HTR3D: variants seen among roughly 807,000 people sequenced by gnomAD.
HTR3D encodes 5-hydroxytryptamine (serotonin) receptor 3 family member D.
A neutral mutation model predicts 45.8 loss-of-function variants in HTR3D; 47 were observed. That is an observed-to-expected ratio of 1.03 (90% CI 0.81 to 1.31). The LOEUF (loss-of-function observed/expected upper bound fraction) is 1.31. HTR3D is among the 50% of genes most tolerant of loss of function. The probability of loss-of-function intolerance (pLI) is 0.00; values close to 1 mark genes in which losing one functional copy is unlikely to be tolerated. For missense variants in HTR3D, 448 were observed against 506.9 expected, an observed-to-expected ratio of 0.88 and a Z score of 1.12; for synonymous variants, 203 against 199.8, an observed-to-expected ratio of 1.02 and a Z score of -0.13.
Position 184,036,053 on chromosome 3 carries a change from C to G in HTR3D, c.150C>G (p.Gly50=). The change falls in exon 3 of 8, where the codon GGC becomes GGG. Residue 50 remains glycine, a synonymous_variant. Coordinates refer to ENST00000428798, the MANE Select transcript of HTR3D (RefSeq NM_001145143.1). ...AATGCGGAGGCATCAAGAAGTCCGG[C>G]ATGGCAACTGAGAACCTATGGCTTT... The part of the protein sequence containing the change: ...PDECGGIKKS[G]MATENLWLSD... The G allele has an allele frequency of 2.6e-6, 4 of 1,551,636 alleles. No individual in the cohort carries two copies. The highest frequency in any genetic ancestry group is 3.5e-6 in the Non-Finnish European group (4 of 1,146,980).
rs1425601072 is a variant in HTR3D, at chr3:184,038,045, C to A, written c.541C>A (p.Pro181Thr). 6.2e-7 allele frequency: 1 copy of A among 1,614,024 alleles called. No individual in the cohort carries two copies. Among genetic ancestry groups the A allele is most frequent in the Non-Finnish European group, 8.5e-7 (1 of 1,180,000 alleles). The change falls in exon 6 of 8, where the codon CCC (proline) becomes ACC (threonine). Residue 181 changes from proline (P) to threonine (T), a missense_variant. Coordinates refer to ENST00000428798, the MANE Select transcript of HTR3D (RefSeq NM_001145143.1). The surrounding 1 kb of genome is among the most constrained non-coding windows in gnomAD (Gnocchi z 4.5). ...FHVAIRRRCR[P>T]SPYVVNFLVP... ...GGTGGCCATCAGGCGCAGGTGCAGG[C>A]CCAGCCCCTACGTGGTAAACTTTCT...
rs1000524753 is a variant in HTR3D, at chr3:184,032,811, G to A, written c.66+1004G>A. 23 of 1,523,696 alleles carry A rather than the reference G, an allele frequency of 1.5e-5. No individual in the cohort carries two copies. The African/African-American group carries it at 2.9e-4, about 19-fold the overall frequency. 94.4% of individuals were successfully genotyped at this position (1,523,696 alleles called of 1,614,324 possible). A position where few individuals can be genotyped will look rare whatever the true frequency, so the allele number is the denominator to read the frequency against. ...AGGAGGAGCTCACATGCTTCTCCCAGTGCCCCCTGTTTTCTCTCCATGCAG... is the reference window on the plus strand; with the variant it reads ...AGGAGGAGCTCACATGCTTCTCCCAATGCCCCCTGTTTTCTCTCCATGCAG... On this transcript the variant is annotated intron_variant, in intron 1 of 7. Transcript: ENST00000428798.
At chr3:184,033,810 G>A (rs571286537) in intron 1 of HTR3D, among the ~76,000 whole-genome samples, 7 of 152,090 alleles carry the variant, frequency 4.6e-5, no homozygotes, top group South Asian at 4.1e-4. Context: ...CCAGCTAGTC[G>A]GGAGGAGGAG....
intron 5 of HTR3D, among the ~76,000 whole-genome samples, chr3:184,037,273 C>G (rs1461037753): frequency 1.5e-4 from 23 of 150,762 alleles, no homozygotes; most frequent in Non-Finnish European, 3.2e-4. Flanking sequence ...GTCCTGAACT[C>G]AGGTATCTGC....
At chr3:184,033,058 G>A in intron 1 of HTR3D, 1 of 1,550,294 alleles carries the variant, frequency 6.5e-7, no homozygotes, top group South Asian at 1.2e-5. Flanking sequence ...CCATCTGGAA[G>A]TTGTAAGTCC....
intron 5 of HTR3D, 95 bp from the exon 6 acceptor site, chr3:184,037,926 A>G: frequency 6.8e-7 from 1 of 1,464,326 alleles, no homozygotes. Flanking sequence ...CTTACTAGAC[A>G]GTTTGGCCTG....
intron 1 of HTR3D, among the ~76,000 whole-genome samples, chr3:184,033,571 A>C (rs1321884364): frequency 6.6e-6 from 1 of 152,232 alleles, no homozygotes; most frequent in Non-Finnish European, 1.5e-5. Flanking sequence ...AAGAAAATGC[A>C]GATCAAAGCT....
At chr3:184,033,120 T>C in intron 1 of HTR3D, 1 of 183,136 alleles carries the variant, frequency 5.5e-6, no homozygotes, top group Non-Finnish European at 9.3e-6. Context: ...TCTGACTGGA[T>C]TTTTTTTTTT....
At chr3:184,032,293 CTG>C (rs1157807997) in intron 1 of HTR3D, among the ~76,000 whole-genome samples, 1 of 152,202 alleles carries the variant, frequency 6.6e-6, no homozygotes, top group Non-Finnish European at 1.5e-5. Context: ...TGAGCCCAGC[CTG>C]GGAACTCTTT....
intron 5 of HTR3D, 39 bp downstream of exon 5, chr3:184,036,935 C>T (rs1722918003): frequency 1.3e-6 from 2 of 1,540,278 alleles, no homozygotes; most frequent in Non-Finnish European, 1.8e-6. Flanking sequence ...ACCATGTTGG[C>T]CAGGCTGGTC....
intron 1 of HTR3D, among the ~76,000 whole-genome samples, chr3:184,033,568 T>A (rs922768400): frequency 5.9e-5 from 9 of 152,016 alleles, no homozygotes; most frequent in Admixed American, 5.2e-4. Context: ...GTTAAGAAAA[T>A]GCAGATCAAA....
At chr3:184,034,694 GC>G (rs1722835583) in intron 1 of HTR3D, among the ~76,000 whole-genome samples, 2 of 111,744 alleles carry the variant, frequency 1.8e-5, no homozygotes, top group South Asian at 4.6e-4. Context: ...GGTGGTGTGT[GC>G]CTCTAATCCC....
intron 1 of HTR3D, chr3:184,032,863 G>GAGAGA: frequency 1.3e-6 from 2 of 1,551,860 alleles, no homozygotes; most frequent in Non-Finnish European, 8.7e-7. Flanking sequence ...CCCCAGCCCT[G>GAGAGA]GCCCTCCTCT....
chr3:184,036,749 C>A lies in HTR3D; in HGVS notation c.369C>A (p.Thr123=). The change falls in exon 5 of 8, where the codon ACC becomes ACA. Residue 123 remains threonine, a splice_region_variant and synonymous_variant. Coordinates refer to ENST00000428798, the MANE Select transcript of HTR3D (RefSeq NM_001145143.1). The stretch of plus-strand genomic sequence containing the variant: ...CTGCTTTGCAGTGGAGAACACGAGC[C>A]CGGGCATGGAGAAGGATGTCCAGGA... The part of the protein sequence containing the change: ...SPSALSPTQV[T]RAWRRMSRSF... 1.3e-6 allele frequency: 2 copies of A among 1,552,190 alleles called. No individual in the cohort carries two copies. The highest frequency in any genetic ancestry group is 1.7e-6 in the Non-Finnish European group (2 of 1,147,108).
At chr3:184,032,626 G>A (rs1722778064) in intron 1 of HTR3D, among the ~76,000 whole-genome samples, 1 of 152,162 alleles carries the variant, frequency 6.6e-6, no homozygotes, top group South Asian at 2.1e-4. Context: ...GACATGGCAG[G>A]ACACTGTAAA....
At position 184,031,824 on chromosome 3, in the gene HTR3D, G is replaced by T. The variant is rs1285176272; in HGVS notation, c.66+17G>T. On this transcript the variant is annotated intron_variant, in intron 1 of 7. Coordinates refer to ENST00000428798, the MANE Select transcript of HTR3D (RefSeq NM_001145143.1). ...CTGCTGCAAGTACCTTAAGATAAGA[G>T]CAAGAGCTGAGCAGACATGTAACTC... The T allele has an allele frequency of 1.3e-6, 2 of 1,541,394 alleles. No homozygotes were observed. The highest frequency in any genetic ancestry group is 1.8e-6 in the Non-Finnish European group (2 of 1,137,868).
chr3:184,036,191 G>A, intron 3 of HTR3D, 91 bp downstream of exon 3: 1 of 1,490,742 alleles, frequency 6.7e-7, no homozygotes, highest in Non-Finnish European at 8.9e-7. Context: ...ACTCAACTTA[G>A]AAAAGAGCAG....
At chr3:184,035,114 G>A (rs1276084029) in intron 1 of HTR3D, 64 bp from the exon 2 acceptor site, 2 of 1,551,434 alleles carry the variant, frequency 1.3e-6, no homozygotes, top group Non-Finnish European at 1.7e-6. Flanking sequence ...TGAACAAGGA[G>A]AGGGTGGTGG....
Position 184,039,192 on chromosome 3 carries a change from C to A in HTR3D, c.*217C>A. On this transcript the variant is annotated 3_prime_UTR_variant, in exon 8 of 8. Coordinates refer to ENST00000428798, the MANE Select transcript of HTR3D (RefSeq NM_001145143.1). ...ATCAGCCCCACTCAGCCCTCCCATA[C>A]CTCCCTGGCTCCTCAGGATTCAGGT... 4 of 552,046 alleles carry A rather than the reference C, an allele frequency of 7.2e-6. No individual in the cohort carries two copies. The highest frequency in any genetic ancestry group is 1.3e-5 in the Non-Finnish European group (4 of 313,990). The allele number at this position is 552,046 out of a possible 1,614,324, so 34.2% of individuals were successfully genotyped here. A position where few individuals can be genotyped will look rare whatever the true frequency, so the allele number is the denominator to read the frequency against.
Sources: gnomAD v4.1 joint callset for allele counts (sites outside exome capture counted in the v4.1 genomes callset) on GRCh38, gnomAD v4.1.1 for gene constraint, Gnocchi (gnomAD v3.1) non-coding constraint, MANE v1.5 for transcripts, NCBI Gene and HGNC (gene_info 2026-07-23, HGNC 2026-07-21) for gene names.